The following PDE3A variants were observed in gnomAD, a reference collection of about 807,000 sequenced individuals.
PDE3A encodes the protein cGMP-inhibited 3',5'-cyclic phosphodiesterase 3A.
PDE3A carries 43 observed loss-of-function variants against 98.3 expected under a neutral mutation model. That is an observed-to-expected ratio of 0.44 (90% CI 0.34 to 0.56). The LOEUF is 0.56. Ranked by LOEUF, PDE3A falls within the 20% of genes least tolerant of loss-of-function variation. PDE3A has a pLI of 0.01. For missense variants in PDE3A, 1,427 were observed against 1,440.7 expected (o/e 0.99, Z 0.15); for synonymous variants, 663 against 567.9 (o/e 1.17, Z -2.38).
At chr12:20,483,361 C>T (rs1945667262) in intron 1 of PDE3A, among the ~76,000 whole-genome samples, 1 of 152,098 alleles carries the variant, frequency 6.6e-6, no homozygotes, top group Non-Finnish European at 1.5e-5. Flanking sequence ...TGCACTCCAG[C>T]CTGTTGACAT....
intron 1 of PDE3A, among the ~76,000 whole-genome samples, chr12:20,509,490 C>A (rs1946179670): frequency 6.6e-6 from 1 of 151,986 alleles, no homozygotes; most frequent in Admixed American, 6.6e-5. Context: ...TCTATTTACC[C>A]TAGAAGTGTT....
chr12:20,658,676 A>G (rs752445397), intron 15 of PDE3A, among the ~76,000 whole-genome samples: 2 of 152,166 alleles, frequency 1.3e-5, no homozygotes, highest in African/African-American at 4.8e-5. Context: ...CTACCTCCCA[A>G]CAGAGACTAG....
chr12:20,649,815 A>G (rs1369473882), intron 13 of PDE3A, among the ~76,000 whole-genome samples: 1 of 152,008 alleles, frequency 6.6e-6, no homozygotes, highest in Non-Finnish European at 1.5e-5. Flanking sequence ...AGTCCTACCT[A>G]CTTGCGGGGG....
chr12:20,473,884 T>C (rs1333791760), intron 1 of PDE3A, among the ~76,000 whole-genome samples: 1 of 152,148 alleles, frequency 6.6e-6, no homozygotes, highest in African/African-American at 2.4e-5. Context: ...CATTCTAGTA[T>C]TGATGGGTTT....
intron 1 of PDE3A, among the ~76,000 whole-genome samples, chr12:20,548,296 A>G (rs4762971): frequency 0.5 from 76,602 of 151,816 alleles, 20,755 homozygotes; most frequent in South Asian, 0.66. Flanking sequence ...ATCAGACGGA[A>G]AGATTTTATT....
chr12:20,501,425 G>A (rs1946023363), intron 1 of PDE3A, among the ~76,000 whole-genome samples: 1 of 152,060 alleles, frequency 6.6e-6, no homozygotes, highest in African/African-American at 2.4e-5. Flanking sequence ...AGTAGTGGAA[G>A]TATACATGAT....
Position 20,653,932 on chromosome 12 carries a change from G to T in PDE3A, c.2926-15G>T. 1 of 1,610,244 alleles carries T rather than the reference G, an allele frequency of 6.2e-7. No individual in the cohort carries two copies. The highest frequency in any genetic ancestry group is 1.3e-5 in the African/African-American group (1 of 74,882). On this transcript the variant is annotated splice_polypyrimidine_tract_variant and intron_variant, in intron 14 of 15. Transcript: ENST00000359062. ...TGCCAGGTGAATGTTGACTTCACTT[G>T]TATTTTATTTCTAGGGTGATGAAGA...
At chr12:20,421,062 A>G (rs980798855) in intron 1 of PDE3A, among the ~76,000 whole-genome samples, 6 of 152,178 alleles carry the variant, frequency 3.9e-5, no homozygotes, top group African/African-American at 1.4e-4. Context: ...GGGATAAAAT[A>G]GAGAACACTG....
intron 1 of PDE3A, among the ~76,000 whole-genome samples, chr12:20,474,169 T>C (rs1394162594): frequency 6.6e-6 from 1 of 152,184 alleles, no homozygotes; most frequent in Admixed American, 6.5e-5. Flanking sequence ...AAATTTACTG[T>C]GGTTTTAATT....
At chr12:20,498,524 C>T (rs140128002) in intron 1 of PDE3A, among the ~76,000 whole-genome samples, 5 of 151,756 alleles carry the variant, frequency 3.3e-5, no homozygotes, top group African/African-American at 7.3e-5. Context: ...TTAAAGTGAA[C>T]GGGAGAATGT....
rs1943604398 is a variant in PDE3A at position 20,601,973 on chromosome 12, A to AC, written c.1012-11469dup. ...ATATTTAACAGACAAAGACCAGCCCACATTTATCAGCTTTCTGAGTTCGTA... is the reference window on the plus strand; with the variant it reads ...ATATTTAACAGACAAAGACCAGCCCACCATTTATCAGCTTTCTGAGTTCGTA... On this transcript the variant is annotated intron_variant, in intron 2 of 15. Transcript: ENST00000359062. Among the ~76,000 whole-genome samples the AC allele has an allele frequency of 2.6e-5, 4 of 152,206 alleles. No homozygotes were observed. In the South Asian group the frequency reaches 8.3e-4, roughly 32 times the overall value.
chr12:20,581,094 TAGC>T (rs1565437485), intron 2 of PDE3A, among the ~76,000 whole-genome samples: 1 of 152,090 alleles, frequency 6.6e-6, no homozygotes, highest in Non-Finnish European at 1.5e-5. Flanking sequence ...AGGAAAAAAA[TAGC>T]AGAAGACAGT....
chr12:20,654,905 A>C (rs1192253413), intron 15 of PDE3A, among the ~76,000 whole-genome samples: 1 of 152,112 alleles, frequency 6.6e-6, no homozygotes, highest in Non-Finnish European at 1.5e-5. Context: ...GGGGAACTCC[A>C]TGTGAATAGA....
chr12:20,488,532 G>A (rs900714293), intron 1 of PDE3A, among the ~76,000 whole-genome samples: 15 of 152,078 alleles, frequency 9.9e-5, no homozygotes, highest in South Asian at 2.1e-4. Context: ...AGTATGGAAA[G>A]CAAGATGCAA....
chr12:20,608,783 C>G (rs911770196), intron 2 of PDE3A, among the ~76,000 whole-genome samples: 1 of 151,956 alleles, frequency 6.6e-6, no homozygotes, highest in African/African-American at 2.4e-5. Context: ...ACATGTTCTA[C>G]TTTTTCTTCA....
intron 5 of PDE3A, among the ~76,000 whole-genome samples, chr12:20,622,629 C>A (rs931748396): frequency 1.3e-5 from 2 of 152,034 alleles, no homozygotes; most frequent in African/African-American, 4.8e-5. Flanking sequence ...CTAATGTAGG[C>A]AAATACTTAA....
At chr12:20,424,659 A>G (rs7304841) in intron 1 of PDE3A, among the ~76,000 whole-genome samples, 3 of 152,002 alleles carry the variant, frequency 2.0e-5, no homozygotes, top group Admixed American at 2.0e-4. Flanking sequence ...ACTGCTAGGC[A>G]TACGTGTCAG....
chr12:20,615,010 CTCTT>C (rs1441915246), intron 3 of PDE3A, among the ~76,000 whole-genome samples: 45 of 123,206 alleles, frequency 3.7e-4, no homozygotes, highest in African/African-American at 6.1e-4. Context: ...CTTTCTTTCT[CTCTT>C]TCTTTTTTTT....
chr12:20,572,390 AT>A (rs1303536300), intron 2 of PDE3A, among the ~76,000 whole-genome samples: 1 of 152,116 alleles, frequency 6.6e-6, no homozygotes, highest in Non-Finnish European at 1.5e-5. Flanking sequence ...TTCTAGAATG[AT>A]TTTTTAAGAT....
Sources: allele counts gnomAD v4.1 joint callset (sites outside exome capture counted in the v4.1 genomes callset), GRCh38; gene constraint gnomAD v4.1.1; transcripts MANE v1.5; gene names NCBI Gene and HGNC (gene_info 2026-07-23, HGNC 2026-07-21).